TLL2: variants seen among roughly 807,000 people sequenced by gnomAD.
The protein encoded by TLL2 is tolloid-like protein 2.
A neutral mutation model predicts 123.0 loss-of-function variants in TLL2; 106 were observed. That is an observed-to-expected ratio of 0.86 (90% CI 0.74 to 1.01). The LOEUF (loss-of-function observed/expected upper bound fraction) is 1.01, where lower values mean the gene tolerates loss of function less well. Ranked by LOEUF, TLL2 falls within the 50% of genes least tolerant of loss-of-function variation. TLL2 has a pLI of 0.00. For synonymous variants in TLL2, 494 were observed against 516.8 expected, an observed-to-expected ratio of 0.96 and a Z score of 0.60; for missense variants, 1,332 against 1,336.7, an observed-to-expected ratio of 1.00 and a Z score of 0.06.
chr10:96,457,124 G>C lies in TLL2; in HGVS notation c.287-10956C>G, dbSNP rs182281062. 2.7e-3 allele frequency among the ~76,000 whole-genome samples: 412 copies of C among 152,250 alleles called. 9 individuals carry two copies. Among genetic ancestry groups the C allele is most frequent in the Admixed American group, 0.024 (370 of 15,300 alleles). The stretch of plus-strand genomic sequence containing the variant: ...TGAGCAGCACCTAATGCTATGTCTG[G>C]CACATTGTAGGGACCCAGACATAGC... On this transcript the variant is annotated intron_variant, in intron 2 of 20. Transcript: ENST00000357947.
chr10:96,513,084 C>CT (rs781655380), intron 1 of TLL2, among the ~76,000 whole-genome samples: 36 of 152,382 alleles, frequency 2.4e-4, no homozygotes, highest in Admixed American at 8.5e-4. Context: ...TTGCGCGAAA[C>CT]TTAAAAATGC....
intron 1 of TLL2, among the ~76,000 whole-genome samples, chr10:96,512,851 G>A (rs947905346): frequency 2.6e-5 from 4 of 152,234 alleles, no homozygotes; most frequent in Non-Finnish European, 5.9e-5. Context: ...GATTGCGCCC[G>A]AAAGGCCCGT....
chr10:96,457,370 C>G (rs1847027427), intron 2 of TLL2, among the ~76,000 whole-genome samples: 2 of 152,184 alleles, frequency 1.3e-5, no homozygotes, highest in African/African-American at 4.8e-5. Flanking sequence ...CTCTGTCCTA[C>G]CCCATGGTCC....
chr10:96,476,217 T>C (rs557736472), intron 2 of TLL2, among the ~76,000 whole-genome samples: 323 of 12,642 alleles, frequency 0.026, 11 homozygotes, highest in African/African-American at 0.049. Context: ...TTTTTAATTT[T>C]ATATGTATAT....
rs1355298577 is a variant in TLL2, at chr10:96,507,907, G to T, written c.175+5604C>A. 2.6e-5 allele frequency among the ~76,000 whole-genome samples: 4 copies of T among 152,182 alleles called. 1 individual carries two copies. In the South Asian group the frequency reaches 6.2e-4, roughly 24 times the overall value. ...AAGACAAACATTTAACTCCAATATT[G>T]CCCTGAAATATTTTAATTCCATCAA... On this transcript the variant is annotated intron_variant, in intron 1 of 20. Coordinates refer to ENST00000357947, the MANE Select transcript of TLL2 (RefSeq NM_012465.4).
intron 3 of TLL2, among the ~76,000 whole-genome samples, chr10:96,442,334 G>T (rs1464343690): frequency 6.6e-6 from 1 of 152,172 alleles, no homozygotes; most frequent in Non-Finnish European, 1.5e-5. Flanking sequence ...GTGGTGGAAG[G>T]GGGGCAAGTT....
chr10:96,420,859 C>A, intron 7 of TLL2, 97 bp downstream of exon 7: 3 of 1,009,470 alleles, frequency 3.0e-6, no homozygotes, highest in Non-Finnish European at 4.7e-6. Flanking sequence ...GTGCTAGAAG[C>A]ATGCAGAGAC....
At chr10:96,498,608 C>T (rs2134113076) in intron 1 of TLL2, among the ~76,000 whole-genome samples, 1 of 152,310 alleles carries the variant, frequency 6.6e-6, no homozygotes, top group East Asian at 1.9e-4. Context: ...CAAAATAAAG[C>T]TTTTCCAGAC....
chr10:96,384,008 A>G, intron 16 of TLL2, among the ~76,000 whole-genome samples: 1 of 152,202 alleles, frequency 6.6e-6, no homozygotes, highest in East Asian at 1.9e-4. Flanking sequence ...GAACCTTAGA[A>G]TGTGATCTTA....
intron 4 of TLL2, among the ~76,000 whole-genome samples, chr10:96,432,523 A>G: frequency 6.6e-6 from 1 of 152,162 alleles, no homozygotes; most frequent in East Asian, 1.9e-4. Flanking sequence ...TCAAACAGTC[A>G]TCATGCAAAC....
intron 1 of TLL2, among the ~76,000 whole-genome samples, chr10:96,487,126 G>C (rs1258647412): frequency 1.3e-5 from 2 of 152,202 alleles, no homozygotes; most frequent in Admixed American, 6.5e-5. Context: ...GTGACCTCGG[G>C]TAACTCACTT....
chr10:96,386,059 T>C lies in TLL2; in HGVS notation c.2009A>G (p.Asn670Ser). The C allele has an allele frequency of 6.3e-7, 1 of 1,596,974 alleles. No individual in the cohort carries two copies. Among genetic ancestry groups the C allele is most frequent in the Non-Finnish European group, 8.5e-7 (1 of 1,171,670 alleles). ...AATTAGAGCATGGAGACATACGTCA[T>C]TGCCTTCCAGTTCAAACACTTCAAA... ...LQFEVFELEGNDVCKYDFVEV... is the reference protein window; with the variant it reads ...LQFEVFELEGSDVCKYDFVEV... Residue 670 changes from asparagine to serine, a missense_variant, in exon 15 of 21, where the codon AAT becomes AGT. By Grantham distance (46) the Asn-to-Ser change is conservative. Coordinates refer to ENST00000357947, the MANE Select transcript of TLL2 (RefSeq NM_012465.4).
At chr10:96,504,632 A>T (rs1847561740) in intron 1 of TLL2, among the ~76,000 whole-genome samples, 1 of 152,152 alleles carries the variant, frequency 6.6e-6, no homozygotes, top group African/African-American at 2.4e-5. Context: ...CCATTAGAAA[A>T]CACAAATCCC....
intron 1 of TLL2, among the ~76,000 whole-genome samples, chr10:96,495,736 C>A (rs979952562): frequency 6.6e-6 from 1 of 152,076 alleles, no homozygotes; most frequent in Non-Finnish European, 1.5e-5. Context: ...ATGTGAATCA[C>A]GCCTCCTGGA....
At chr10:96,449,028 AG>A (rs1405246718) in intron 2 of TLL2, among the ~76,000 whole-genome samples, 1 of 152,164 alleles carries the variant, frequency 6.6e-6, no homozygotes, top group African/African-American at 2.4e-5. Flanking sequence ...CCAGTGATGG[AG>A]GGGGGAAAGA....
chr10:96,430,207 T>A (rs1338541382), intron 4 of TLL2, among the ~76,000 whole-genome samples: 2 of 152,210 alleles, frequency 1.3e-5, no homozygotes, highest in African/African-American at 4.8e-5. Context: ...AAGGGCTTAG[T>A]GCCATCCCCT....
intron 3 of TLL2, among the ~76,000 whole-genome samples, chr10:96,440,008 C>T (rs1589423102): frequency 6.6e-6 from 1 of 152,222 alleles, no homozygotes; most frequent in East Asian, 1.9e-4. Flanking sequence ...CATCATAGTA[C>T]AACCAGCTGG....
At chr10:96,486,041 C>T (rs1387131916) in intron 1 of TLL2, among the ~76,000 whole-genome samples, 1 of 152,176 alleles carries the variant, frequency 6.6e-6, no homozygotes, top group Non-Finnish European at 1.5e-5. Context: ...AAGGAAGTTA[C>T]ATAGTGGTCT....
rs936993140 is a variant in TLL2, at chr10:96,376,635, C to T, written c.2448+57G>A. On this transcript the variant is annotated intron_variant, in intron 18 of 20. Coordinates refer to ENST00000357947, the MANE Select transcript of TLL2 (RefSeq NM_012465.4). ...GGAAGTGGCAGAGCAGAGACTCAAACGCACATCTGCCTGATACTCAAGTCC... is the reference window on the plus strand; with the variant it reads ...GGAAGTGGCAGAGCAGAGACTCAAATGCACATCTGCCTGATACTCAAGTCC... The T allele has an allele frequency of 2.1e-5, 33 of 1,581,562 alleles. No individual in the cohort carries two copies. In the Admixed American group the frequency reaches 2.3e-4, roughly 11 times the overall value.
Sources: gnomAD v4.1 joint callset for allele counts (sites outside exome capture counted in the v4.1 genomes callset) on GRCh38, gnomAD v4.1.1 for gene constraint, MANE v1.5 for transcripts, NCBI Gene and HGNC (gene_info 2026-07-23, HGNC 2026-07-21) for gene names.